Variants in CDH13 observed in about 807,000 individuals in gnomAD.
The protein encoded by CDH13 is cadherin 13.
A neutral mutation model predicts 63.8 loss-of-function variants in CDH13; 24 were observed. That is an observed-to-expected ratio of 0.38 (90% CI 0.27 to 0.53). The LOEUF (loss-of-function observed/expected upper bound fraction) is 0.53, where lower values mean the gene tolerates loss of function less well. Ranked by LOEUF, CDH13 falls within the 20% of genes least tolerant of loss-of-function variation. CDH13 has a pLI of 0.85. For missense variants in CDH13, 1,049 were observed against 903.1 expected (o/e 1.16, Z -2.07); for synonymous variants, 503 against 355.3 (o/e 1.42, Z -4.67).
chr16:82,874,057 C>A (rs1250535113), intron 2 of CDH13, among the ~76,000 whole-genome samples: 1 of 64,874 alleles, frequency 1.5e-5, no homozygotes, highest in Non-Finnish European at 2.9e-5. Flanking sequence ...ATAAGATGCA[C>A]ACATTGTATT....
intron 1 of CDH13, among the ~76,000 whole-genome samples, chr16:82,777,092 T>A (rs2035534225): frequency 6.6e-6 from 1 of 152,174 alleles, no homozygotes; most frequent in Non-Finnish European, 1.5e-5. Flanking sequence ...ACTACAGACA[T>A]ACACTACCAC....
intron 2 of CDH13, among the ~76,000 whole-genome samples, chr16:82,927,429 T>A (rs372295879): frequency 1.3e-5 from 2 of 152,172 alleles, no homozygotes; most frequent in African/African-American, 4.8e-5. Context: ...TGTTTTACCA[T>A]CTTCATAATG....
intron 1 of CDH13, among the ~76,000 whole-genome samples, chr16:82,807,863 C>T (rs1424452499): frequency 6.6e-6 from 1 of 152,182 alleles, no homozygotes; most frequent in Non-Finnish European, 1.5e-5. Flanking sequence ...TTAGGCTCTT[C>T]CATACTTAAG....
intron 10 of CDH13, among the ~76,000 whole-genome samples, chr16:83,728,603 G>A (rs1462143646): frequency 6.6e-6 from 1 of 152,142 alleles, no homozygotes; most frequent in African/African-American, 2.4e-5. Context: ...AGAAGAGAAA[G>A]CAAAGATAAA....
intron 4 of CDH13, among the ~76,000 whole-genome samples, chr16:83,186,637 A>G (rs530237510): frequency 3.3e-5 from 5 of 152,166 alleles, no homozygotes; most frequent in Non-Finnish European, 7.3e-5. Flanking sequence ...AGACTGTAGT[A>G]TGTCGTCAGG....
intron 5 of CDH13, among the ~76,000 whole-genome samples, chr16:83,248,732 T>G (rs963251624): frequency 6.6e-6 from 1 of 152,148 alleles, no homozygotes; most frequent in Non-Finnish European, 1.5e-5. Context: ...CCCTATCTCA[T>G]TATCTTCCAT....
Position 83,272,802 on chromosome 16 carries a change from G to T in CDH13, c.636+55305G>T, listed in dbSNP as rs76094225. 8.5e-3 allele frequency among the ~76,000 whole-genome samples: 1,299 copies of T among 152,288 alleles called. 14 individuals are homozygous for T. Among genetic ancestry groups the T allele is most frequent in the African/African-American group, 0.03 (1,231 of 41,550 alleles). On this transcript the variant is annotated intron_variant, in intron 5 of 13. Coordinates refer to ENST00000567109, the MANE Select transcript of CDH13 (RefSeq NM_001257.5). ...TGGCAGAGTCAACGTGGGAAATGTGGTCTGTTGAGTGGTCCTAGGAGTTTC... is the reference window on the plus strand; with the variant it reads ...TGGCAGAGTCAACGTGGGAAATGTGTTCTGTTGAGTGGTCCTAGGAGTTTC...
chr16:83,116,958 C>CTCATT (rs2035330670), intron 3 of CDH13, among the ~76,000 whole-genome samples: 1 of 152,148 alleles, frequency 6.6e-6, no homozygotes, highest in Non-Finnish European at 1.5e-5. Flanking sequence ...CATGCAGCTT[C>CTCATT]TCATTTCGTT....
chr16:82,808,196 T>G (rs745859326), intron 1 of CDH13, among the ~76,000 whole-genome samples: 3 of 152,172 alleles, frequency 2.0e-5, no homozygotes, highest in Non-Finnish European at 2.9e-5. Context: ...AAATCCTTTC[T>G]TTGTGCTCTT....
chr16:83,733,057 A>G (rs1474645217), intron 10 of CDH13, among the ~76,000 whole-genome samples: 1 of 152,212 alleles, frequency 6.6e-6, no homozygotes, highest in Admixed American at 6.5e-5. Flanking sequence ...ACGCATCCCA[A>G]GGGCAGGAAG....
chr16:82,896,770 CTTTTTTTTTTTTTTTTTT>C (rs71382855), intron 2 of CDH13, among the ~76,000 whole-genome samples: 1 of 55,516 alleles, frequency 1.8e-5, no homozygotes, highest in African/African-American at 8.1e-5. Flanking sequence ...CTGTGCAATT[CTTTTTTTTTTTTTTTTTT>C]TTTTTTTTTT....
At chr16:82,893,183 G>A (rs1485793422) in intron 2 of CDH13, among the ~76,000 whole-genome samples, 1 of 152,260 alleles carries the variant, frequency 6.6e-6, no homozygotes, top group South Asian at 2.1e-4. Flanking sequence ...AAAATTACTA[G>A]AGCCAATTAG....
intron 6 of CDH13, among the ~76,000 whole-genome samples, chr16:83,433,380 G>A (rs1478939171): frequency 6.6e-6 from 1 of 152,144 alleles, no homozygotes; most frequent in Non-Finnish European, 1.5e-5. Context: ...TGAGAAACAC[G>A]AAAAAGCTTT....
chr16:83,273,486 G>A (rs1192607789), intron 5 of CDH13, among the ~76,000 whole-genome samples: 1 of 152,024 alleles, frequency 6.6e-6, no homozygotes, highest in Non-Finnish European at 1.5e-5. Context: ...TCCCATAGGT[G>A]GCAGCTGGAT....
intron 4 of CDH13, among the ~76,000 whole-genome samples, chr16:83,198,338 C>G (rs1011200140): frequency 8.5e-5 from 13 of 152,080 alleles, no homozygotes; most frequent in African/African-American, 2.4e-5. Context: ...CACACACACA[C>G]ACACACACAC....
intron 1 of CDH13, among the ~76,000 whole-genome samples, chr16:82,627,741 G>C (rs1025399324): frequency 3.3e-5 from 5 of 152,140 alleles, no homozygotes; most frequent in African/African-American, 4.8e-5. Context: ...CGCCGGCGCC[G>C]GCCGCACCCG....
chr16:82,849,905 A>G (rs1029813980), intron 1 of CDH13, among the ~76,000 whole-genome samples: 2 of 152,248 alleles, frequency 1.3e-5, no homozygotes, highest in Non-Finnish European at 2.9e-5. Context: ...TAAGCCCACT[A>G]TTGAGAACTG....
chr16:83,291,921 GT>G (rs2089475668), intron 5 of CDH13, among the ~76,000 whole-genome samples: 1 of 152,132 alleles, frequency 6.6e-6, no homozygotes, highest in Non-Finnish European at 1.5e-5. Flanking sequence ...CCTCCAAGTT[GT>G]TTTTAACATA....
chr16:83,783,436 C>T lies in CDH13; in HGVS notation c.2098C>T (p.Pro700Ser). ...GGCAGGGGCCCTGCGCTTCAGCCTG[C>T]CCTCAGTCCTGCTCCTCAGCCTCTT... ...NAAGALRFSL[P>S]SVLLLSLFSL... The change falls in exon 13 of 14, where the codon CCC (proline) becomes TCC (serine). Residue 700 changes from proline (P) to serine (S), a missense_variant. Coordinates refer to ENST00000567109, the MANE Select transcript of CDH13 (RefSeq NM_001257.5). The T allele has an allele frequency of 6.2e-7, 1 of 1,613,944 alleles. No individual in the cohort carries two copies. Among genetic ancestry groups the T allele is most frequent in the African/African-American group, 1.3e-5 (1 of 75,048 alleles).
Sources: gnomAD v4.1 joint callset for allele counts (sites outside exome capture counted in the v4.1 genomes callset) on GRCh38, gnomAD v4.1.1 for gene constraint, MANE v1.5 for transcripts, NCBI Gene and HGNC (gene_info 2026-07-23, HGNC 2026-07-21) for gene names.